Variants in VPS13C observed in about 807,000 individuals in gnomAD.
VPS13C encodes the protein intermembrane lipid transfer protein VPS13C.
VPS13C carries 358 observed loss-of-function variants against 456.8 expected under a neutral mutation model. That is an observed-to-expected ratio of 0.78 (90% confidence interval 0.72 to 0.86). The LOEUF (loss-of-function observed/expected upper bound fraction) is 0.86, where lower values mean the gene tolerates loss of function less well. Ranked by LOEUF, VPS13C falls within the 40% of genes least tolerant of loss-of-function variation. VPS13C has a pLI of 0.00. For synonymous variants in VPS13C, 1,578 were observed against 1,486.7 expected, an observed-to-expected ratio of 1.06 and a Z score of -1.41; for missense variants, 4,818 against 4,385.4, an observed-to-expected ratio of 1.10 and a Z score of -2.79.
intron 37 of VPS13C, among the ~76,000 whole-genome samples, chr15:61,955,277 A>C (rs930313174): frequency 6.6e-6 from 1 of 152,104 alleles, no homozygotes; most frequent in Non-Finnish European, 1.5e-5. Flanking sequence ...TAAGAACTTT[A>C]TTGTCCTTAT....
chr15:61,863,467 T>C lies in VPS13C; in HGVS notation c.10925A>G (p.Lys3642Arg). Residue 3642 changes from lysine to arginine, a missense_variant, in exon 82 of 85, where the codon AAG (lysine) becomes AGG (arginine). Coordinates refer to ENST00000644861, the MANE Select transcript of VPS13C (RefSeq NM_020821.3). The part of the protein sequence containing the change: ...YRYHCAIPGS[K>R]KTILMVTNRR... ...ATTTGTAACCATAAGGATTGTCTTC[T>C]TGCTTCCAGGAATAGCACAGTGGTA... 6.2e-7 allele frequency: 1 copy of C among 1,612,988 alleles called. No individual in the cohort carries two copies. Among genetic ancestry groups the C allele is most frequent in the Non-Finnish European group, 8.5e-7 (1 of 1,179,264 alleles).
intron 66 of VPS13C, among the ~76,000 whole-genome samples, chr15:61,904,647 T>C (rs1168209149): frequency 1.3e-5 from 2 of 152,086 alleles, no homozygotes; most frequent in East Asian, 3.9e-4. Context: ...TTGGTATATA[T>C]CCCAATGAAA....
At chr15:61,918,662 G>T (rs2043550171) in intron 58 of VPS13C, among the ~76,000 whole-genome samples, 1 of 151,948 alleles carries the variant, frequency 6.6e-6, no homozygotes, top group Non-Finnish European at 1.5e-5. Context: ...ACATCAGTCT[G>T]TTACGCATTG....
At chr15:61,929,779 T>A in intron 50 of VPS13C, 31 bp from the exon 51 acceptor site, 1 of 1,579,690 alleles carries the variant, frequency 6.3e-7, no homozygotes, top group South Asian at 1.1e-5. Context: ...CATTATTTTA[T>A]TCTTGCTAAA....
At chr15:61,962,688 T>C in intron 33 of VPS13C, 61 bp downstream of exon 33, 1 of 1,369,570 alleles carries the variant, frequency 7.3e-7, no homozygotes, top group South Asian at 1.6e-5. Context: ...AAATACATTT[T>C]ACAATAGAAG....
At chr15:61,864,914 C>T in intron 81 of VPS13C, 1 of 974,708 alleles carries the variant, frequency 1.0e-6, no homozygotes, top group Non-Finnish European at 1.2e-6. Context: ...ATCTGAAATG[C>T]AAGTACAAGA....
chr15:61,901,823 T>C (rs2043006665), intron 66 of VPS13C, among the ~76,000 whole-genome samples: 1 of 152,174 alleles, frequency 6.6e-6, no homozygotes, highest in Admixed American at 6.5e-5. Context: ...ATATGTTTAT[T>C]GCGGAATTAT....
chr15:61,892,337 G>A (rs2042678018), intron 66 of VPS13C, among the ~76,000 whole-genome samples: 1 of 152,150 alleles, frequency 6.6e-6, no homozygotes, highest in African/African-American at 2.4e-5. Flanking sequence ...TTCCTACATA[G>A]CTGGGATATC....
intron 6 of VPS13C, among the ~76,000 whole-genome samples, chr15:62,027,887 A>AC (rs1403523593): frequency 3.3e-5 from 5 of 152,074 alleles, no homozygotes; most frequent in Admixed American, 3.3e-4. Context: ...CAGAGCTACA[A>AC]CAGAGGTGAA....
At chr15:61,966,197 C>T (rs2045371135) in intron 29 of VPS13C, 55 bp from the exon 30 acceptor site, 1 of 1,226,146 alleles carries the variant, frequency 8.2e-7, no homozygotes, top group East Asian at 2.4e-5. Context: ...GTAAATAAAT[C>T]ACTTATTTAT....
At chr15:61,869,389 A>G in intron 80 of VPS13C, 111 bp downstream of exon 80, 1 of 1,234,164 alleles carries the variant, frequency 8.1e-7, no homozygotes, top group South Asian at 1.8e-5. Flanking sequence ...CACAGCTTTC[A>G]ATTAGACTTT....
At position 61,874,912 on chromosome 15, in the gene VPS13C, C is replaced by T. The variant is rs367724710; in HGVS notation, c.10378G>A (p.Val3460Met). 3.1e-6 allele frequency: 5 copies of T among 1,592,894 alleles called. No individual in the cohort carries two copies. The highest frequency in any genetic ancestry group is 3.4e-6 in the Non-Finnish European group (4 of 1,170,876). The change falls in exon 77 of 85, where the codon GTG (valine) becomes ATG (methionine). Residue 3460 changes from valine to methionine, a missense_variant. Val to Met is a conservative substitution (Grantham distance 21). Transcript: ENST00000644861. The stretch of plus-strand genomic sequence containing the variant: ...CCAAAGAGGCTTCTCACTCCAATCA[C>T]TAACCCCTCTGCAAATTCTTCAGGG... Reference protein sequence around the residue: ...QGPEEFAEGLVIGVRSLFGHT... With the variant: ...QGPEEFAEGLMIGVRSLFGHT...
At chr15:61,960,171 C>T (rs554037667) in intron 35 of VPS13C, among the ~76,000 whole-genome samples, 3 of 152,132 alleles carry the variant, frequency 2.0e-5, no homozygotes, top group Admixed American at 2.0e-4. Flanking sequence ...ACATGCCTGC[C>T]AAAAATGTGT....
Position 61,878,620 on chromosome 15 carries a change from C to G in VPS13C, c.10129G>C (p.Asp3377His). Residue 3377 changes from aspartate (D) to histidine (H), a missense_variant, in exon 74 of 85, where the codon GAC (aspartate) becomes CAC (histidine). Coordinates refer to ENST00000644861, the MANE Select transcript of VPS13C (RefSeq NM_020821.3). ...SIGATLTDVD[D>H]LIFKLAYYEI... is the part of the protein sequence containing the mutation. Reference sequence around the variant, plus strand: ...CAGAAGTCTTACTTGAATATAAGGTCATCCACATCAGTCAGAGTAGCACCT... The same window carrying G: ...CAGAAGTCTTACTTGAATATAAGGTGATCCACATCAGTCAGAGTAGCACCT... The G allele has an allele frequency of 6.2e-7, 1 of 1,608,892 alleles. No homozygotes were observed. The highest frequency in any genetic ancestry group is 1.7e-5 in the Admixed American group (1 of 59,274).
Position 61,993,239 on chromosome 15 carries a change from T to A in VPS13C, c.1354-1437A>T, listed in dbSNP as rs78919392. ...CATTTGGATATTTTATTAACATCTC[T>A]TTTAACCAAACTGATAGCTTTAAGT... On this transcript the variant is annotated intron_variant, in intron 16 of 84. Transcript: ENST00000644861. Among the ~76,000 whole-genome samples, 899 of 152,306 alleles carry A rather than the reference T, an allele frequency of 5.9e-3. 7 individuals carry two copies. The highest frequency in any genetic ancestry group is 0.021 in the African/African-American group (854 of 41,582).
chr15:61,869,947 G>A (rs1168406782), intron 79 of VPS13C, among the ~76,000 whole-genome samples: 3 of 152,114 alleles, frequency 2.0e-5, no homozygotes, highest in African/African-American at 7.2e-5. Flanking sequence ...AGTCTCATCA[G>A]TACCTGCAAC....
chr15:61,970,225 G>A (rs1274842028), intron 27 of VPS13C, among the ~76,000 whole-genome samples: 3 of 152,116 alleles, frequency 2.0e-5, no homozygotes, highest in East Asian at 3.9e-4. Context: ...AGCCTCATAA[G>A]TGAGCCACAT....
At chr15:61,981,499 G>T in intron 21 of VPS13C, 21 bp from the exon 22 acceptor site, 2 of 1,559,362 alleles carry the variant, frequency 1.3e-6, no homozygotes, top group Non-Finnish European at 1.7e-6. Flanking sequence ...AAGAAATAAT[G>T]ACAGATTAGA....
intron 35 of VPS13C, among the ~76,000 whole-genome samples, chr15:61,960,243 G>A (rs927234168): frequency 1.3e-5 from 2 of 152,044 alleles, no homozygotes; most frequent in African/African-American, 2.4e-5. Flanking sequence ...GAGTGGAACC[G>A]GACTGTAGTC....
Sources: allele counts gnomAD v4.1 joint callset (sites outside exome capture counted in the v4.1 genomes callset), GRCh38; gene constraint gnomAD v4.1.1; transcripts MANE v1.5; gene names NCBI Gene and HGNC (gene_info 2026-07-23, HGNC 2026-07-21).